The following DGKB variants were observed in gnomAD, a reference collection of about 807,000 sequenced individuals.
The protein encoded by DGKB is diacylglycerol kinase beta, also known as 90 kDa diacylglycerol kinase.
In DGKB, 67 loss-of-function variants were observed where a neutral mutation model predicts 114.3. That is an observed-to-expected ratio of 0.59 (90% CI 0.48 to 0.72). The LOEUF (loss-of-function observed/expected upper bound fraction) is 0.72, where lower values mean the gene tolerates loss of function less well. DGKB is among the 30% of genes least tolerant of loss of function. The pLI is 0.00. For synonymous variants in DGKB, 398 were observed against 323.1 expected, an observed-to-expected ratio of 1.23 and a Z score of -2.49; for missense variants, 907 against 975.2, an observed-to-expected ratio of 0.93 and a Z score of 0.93.
chr7:14,529,760 T>C (rs1331868942), intron 20 of DGKB, among the ~76,000 whole-genome samples: 3 of 151,794 alleles, frequency 2.0e-5, no homozygotes, highest in Non-Finnish European at 4.4e-5. Flanking sequence ...AACAGGTCCA[T>C]GAAACAAAAT....
intron 20 of DGKB, among the ~76,000 whole-genome samples, chr7:14,521,742 A>G (rs1789803394): frequency 6.6e-6 from 1 of 152,152 alleles, no homozygotes; most frequent in Non-Finnish European, 1.5e-5. Context: ...TCTATGTTTT[A>G]ACATCTGGGA....
At chr7:14,459,598 CT>C (rs1832781532) in intron 21 of DGKB, among the ~76,000 whole-genome samples, 1 of 152,106 alleles carries the variant, frequency 6.6e-6, no homozygotes, top group South Asian at 2.1e-4. Context: ...AAATGCGGGA[CT>C]ATGTAAAAAG....
chr7:14,327,059 T>C (rs546555886), intron 23 of DGKB, among the ~76,000 whole-genome samples: 2 of 152,284 alleles, frequency 1.3e-5, no homozygotes, highest in East Asian at 1.9e-4. Flanking sequence ...TTTATACCTA[T>C]AGTAATTCAT....
At chr7:14,462,136 C>T (rs570087426) in intron 21 of DGKB, among the ~76,000 whole-genome samples, 6 of 152,248 alleles carry the variant, frequency 3.9e-5, no homozygotes, top group African/African-American at 1.4e-4. Context: ...ATGACAAACC[C>T]ACAGCCAATA....
intron 23 of DGKB, among the ~76,000 whole-genome samples, chr7:14,336,433 C>T (rs1409388495): frequency 6.6e-6 from 1 of 152,164 alleles, no homozygotes; most frequent in Non-Finnish European, 1.5e-5. Context: ...TAACATACTT[C>T]TGTTTTTGCT....
chr7:14,757,656 C>T lies in DGKB; in HGVS notation c.146G>A (p.Gly49Glu). The change falls in exon 3 of 26, where the codon GGG (glycine) becomes GAG (glutamate). Residue 49 changes from glycine (G) to glutamate (E), a missense_variant and splice_region_variant. Transcript: ENST00000402815. ...GATATAAAGAAAAAGAAGTTTTACC[C>T]CTTCAGGATTATACTTTGCAAGCAC... is the stretch of plus-strand genomic sequence containing the variant. ...NGVLAKYNPEGKQDILNQTID... is the reference protein window; with the variant it reads ...NGVLAKYNPEEKQDILNQTID... 6.4e-7 allele frequency: 1 copy of T among 1,569,110 alleles called. No homozygotes were observed. The highest frequency in any genetic ancestry group is 8.7e-7 in the Non-Finnish European group (1 of 1,144,928).
chr7:14,614,209 G>A (rs1359262291), intron 15 of DGKB, among the ~76,000 whole-genome samples: 1 of 152,100 alleles, frequency 6.6e-6, no homozygotes, highest in African/African-American at 2.4e-5. Context: ...AACATGCCAC[G>A]ATGGGAAATA....
chr7:14,276,570 A>G (rs575641746), intron 23 of DGKB, among the ~76,000 whole-genome samples: 1 of 152,080 alleles, frequency 6.6e-6, no homozygotes, highest in Non-Finnish European at 1.5e-5. Flanking sequence ...CATCATATGC[A>G]TGTTAGAAAA....
At chr7:14,413,181 A>G (rs1825167277) in intron 21 of DGKB, among the ~76,000 whole-genome samples, 1 of 152,222 alleles carries the variant, frequency 6.6e-6, no homozygotes, top group African/African-American at 2.4e-5. Flanking sequence ...TAATAATATC[A>G]ACCACACAAG....
chr7:14,278,325 T>TAGAA (rs1371153635), intron 23 of DGKB, among the ~76,000 whole-genome samples: 3 of 152,028 alleles, frequency 2.0e-5, no homozygotes, highest in Non-Finnish European at 4.4e-5. Context: ...ATAGAAAAAC[T>TAGAA]AGAAATAAAC....
intron 1 of DGKB, among the ~76,000 whole-genome samples, chr7:14,956,259 T>C (rs1405722274): frequency 3.3e-5 from 5 of 151,876 alleles, no homozygotes; most frequent in Admixed American, 3.3e-4. Context: ...TGCAGTGCAT[T>C]TGAATAGTAG....
intron 1 of DGKB, among the ~76,000 whole-genome samples, chr7:14,973,527 G>GTTTTTTTTTCTTTTTTT (rs1787610940): frequency 7.3e-6 from 1 of 137,304 alleles, no homozygotes; most frequent in African/African-American, 2.7e-5. Context: ...TTGTTTTTTT[G>GTTTTTTTTTCTTTTTTT]TTTTTTTTTT....
At chr7:14,855,396 C>G (rs959528219) in intron 1 of DGKB, among the ~76,000 whole-genome samples, 1 of 152,098 alleles carries the variant, frequency 6.6e-6, no homozygotes, top group Admixed American at 6.5e-5. Context: ...TAAATATGTG[C>G]TACATATAAC....
At chr7:14,264,827 C>T (rs1305450569) in intron 23 of DGKB, among the ~76,000 whole-genome samples, 1 of 152,014 alleles carries the variant, frequency 6.6e-6, no homozygotes, top group African/African-American at 2.4e-5. Context: ...GAAAAGCTGC[C>T]AAATTTGGCC....
At chr7:14,603,542 A>G (rs1254024484) in intron 17 of DGKB, among the ~76,000 whole-genome samples, 1 of 152,140 alleles carries the variant, frequency 6.6e-6, no homozygotes, top group African/African-American at 2.4e-5. Flanking sequence ...GAAATCTGTT[A>G]TGCATTTTCT....
Position 14,321,871 on chromosome 7 carries a change from G to C in DGKB, c.2122+16644C>G, listed in dbSNP as rs568211391. Among the ~76,000 whole-genome samples the C allele has an allele frequency of 3.3e-5, 5 of 152,126 alleles. No homozygotes were observed. In the East Asian group the frequency reaches 7.7e-4, roughly 23 times the overall value. Reference sequence around the variant, plus strand: ...CATAGAAAGTTATAAACCATTATAAGAAACTAAAATGAAAAAAATGGAAAG... The same window carrying C: ...CATAGAAAGTTATAAACCATTATAACAAACTAAAATGAAAAAAATGGAAAG... On this transcript the variant is annotated intron_variant, in intron 23 of 25. Transcript: ENST00000402815.
At chr7:14,472,987 G>C (rs1471341221) in intron 21 of DGKB, among the ~76,000 whole-genome samples, 1 of 152,128 alleles carries the variant, frequency 6.6e-6, no homozygotes, top group Non-Finnish European at 1.5e-5. Flanking sequence ...AAAATTTGCA[G>C]CCTGGCAATG....
intron 20 of DGKB, among the ~76,000 whole-genome samples, chr7:14,516,426 C>G (rs1243853772): frequency 6.6e-6 from 1 of 152,108 alleles, no homozygotes; most frequent in Non-Finnish European, 1.5e-5. Context: ...AATTTGCATT[C>G]ATAATTTGGA....
intron 25 of DGKB, among the ~76,000 whole-genome samples, chr7:14,168,339 C>T (rs148785499): frequency 1.9e-3 from 285 of 152,250 alleles, no homozygotes; most frequent in Middle Eastern, 0.017. Flanking sequence ...GTGCTTAACA[C>T]ACGTCATCAG....
Sources: allele counts gnomAD v4.1 joint callset (sites outside exome capture counted in the v4.1 genomes callset), GRCh38; gene constraint gnomAD v4.1.1; transcripts MANE v1.5; gene names NCBI Gene and HGNC (gene_info 2026-07-23, HGNC 2026-07-21).